Variants in SEC23B observed in about 807,000 individuals in gnomAD.
The protein encoded by SEC23B is protein transport protein Sec23B.
In SEC23B, 77 loss-of-function variants were observed where a neutral mutation model predicts 104.3. That is an observed-to-expected ratio of 0.74 (90% CI 0.61 to 0.89). The LOEUF (loss-of-function observed/expected upper bound fraction) is 0.89. Among genes scored for constraint, SEC23B ranks in the 40% least tolerant of loss-of-function variants. SEC23B has a pLI of 0.00. For missense variants in SEC23B, 885 were observed against 949.4 expected (o/e 0.93, Z 0.89); for synonymous variants, 338 against 332.5 (o/e 1.02, Z -0.18).
At chr20:18,521,905 A>T (rs2060087435) in intron 4 of SEC23B, among the ~76,000 whole-genome samples, 1 of 152,092 alleles carries the variant, frequency 6.6e-6, no homozygotes, top group African/African-American at 2.4e-5. Flanking sequence ...TACGACAAGG[A>T]TTATTTAGAT....
At chr20:18,551,721 A>AAATAAT (rs34825037) in intron 17 of SEC23B, among the ~76,000 whole-genome samples, 10 of 151,170 alleles carry the variant, frequency 6.6e-5, no homozygotes, top group Middle Eastern at 3.4e-3. Context: ...CTCAAAAAAT[A>AAATAAT]AATAATAATA....
intron 19 of SEC23B, among the ~76,000 whole-genome samples, chr20:18,558,115 G>C (rs2060458376): frequency 6.6e-6 from 1 of 152,122 alleles, no homozygotes; most frequent in African/African-American, 2.4e-5. Context: ...TTTTATTTGA[G>C]AATGTCTTGA....
At chr20:18,524,725 G>C (rs2060119228) in intron 5 of SEC23B, 56 bp downstream of exon 5, 1 of 1,421,054 alleles carries the variant, frequency 7.0e-7, no homozygotes, top group African/African-American at 1.4e-5. Flanking sequence ...AAAAGAGACT[G>C]GGGTCTCTTT....
At chr20:18,525,767 G>A (rs111664027) in intron 6 of SEC23B, 21 bp from the exon 7 acceptor site, 17 of 1,613,892 alleles carry the variant, frequency 1.1e-5, no homozygotes, top group Middle Eastern at 1.6e-4. Context: ...CTGGGTTGAT[G>A]TGTCTGTTAA....
intron 17 of SEC23B, among the ~76,000 whole-genome samples, chr20:18,553,851 T>C (rs2060410507): frequency 1.3e-5 from 2 of 152,102 alleles, no homozygotes; most frequent in South Asian, 4.1e-4. Flanking sequence ...GTGGAGTCTG[T>C]GTGGGCAGCC....
At chr20:18,527,417 G>A (rs1322691628) in intron 8 of SEC23B, 79 bp from the exon 9 acceptor site, 3 of 833,378 alleles carry the variant, frequency 3.6e-6, no homozygotes, top group Non-Finnish European at 6.4e-6. Context: ...TTTTATATTT[G>A]ATTACCTCCT....
chr20:18,528,410 C>T (rs913487849), intron 9 of SEC23B, among the ~76,000 whole-genome samples: 1 of 152,234 alleles, frequency 6.6e-6, no homozygotes, highest in African/African-American at 2.4e-5. Flanking sequence ...GTGATTCTAA[C>T]ATAGAGCCGA....
intron 4 of SEC23B, among the ~76,000 whole-genome samples, chr20:18,518,596 T>TTGTTTTG (rs1233168652): frequency 6.3e-5 from 9 of 143,340 alleles, no homozygotes; most frequent in Non-Finnish European, 1.1e-4. Flanking sequence ...TTTTTTTTTT[T>TTGTTTTG]TTTTTTTTTG....
chr20:18,529,460 G>A (rs1227828852), intron 9 of SEC23B, among the ~76,000 whole-genome samples: 1 of 152,218 alleles, frequency 6.6e-6, no homozygotes, highest in East Asian at 1.9e-4. Context: ...TTGTGTGAAT[G>A]TCACAGAAAA....
At chr20:18,551,196 A>T (rs1370586841) in intron 17 of SEC23B, 21 bp downstream of exon 17, 10 of 1,320,280 alleles carry the variant, frequency 7.6e-6, no homozygotes, top group African/African-American at 2.9e-5. Context: ...ATTATTAATT[A>T]ATTAATTTCT....
At chr20:18,544,130 G>A (rs1222336089) in intron 14 of SEC23B, among the ~76,000 whole-genome samples, 1 of 152,334 alleles carries the variant, frequency 6.6e-6, no homozygotes, top group South Asian at 2.1e-4. Context: ...AAGGGGGTGA[G>A]TTTGGAGCCA....
chr20:18,540,632 G>C (rs1434822706), intron 12 of SEC23B, among the ~76,000 whole-genome samples: 1 of 152,202 alleles, frequency 6.6e-6, no homozygotes, highest in Non-Finnish European at 1.5e-5. Flanking sequence ...AAGGTGGGTG[G>C]ATTGCTTGAT....
At chr20:18,527,952 G>A (rs985147139) in intron 9 of SEC23B, among the ~76,000 whole-genome samples, 1 of 152,210 alleles carries the variant, frequency 6.6e-6, no homozygotes, top group Non-Finnish European at 1.5e-5. Context: ...GGAAAACAGG[G>A]TCTGAATGCT....
intron 10 of SEC23B, among the ~76,000 whole-genome samples, chr20:18,532,004 G>A (rs1404469759): frequency 6.6e-6 from 1 of 152,214 alleles, no homozygotes; most frequent in Non-Finnish European, 1.5e-5. Flanking sequence ...GCTGCAGTGA[G>A]CTATGATCAT....
intron 3 of SEC23B, 62 bp from the exon 4 acceptor site, chr20:18,515,588 T>C: frequency 1.0e-6 from 1 of 976,520 alleles, no homozygotes; most frequent in Non-Finnish European, 1.7e-6. Context: ...TTTTTACACA[T>C]GGAAAATAAA....
At position 18,525,801 on chromosome 20, in the gene SEC23B, G is replaced by C; in HGVS notation, c.703G>C (p.Val235Leu). The C allele has an allele frequency of 1.2e-6, 2 of 1,614,160 alleles. No individual in the cohort carries two copies. Among genetic ancestry groups the C allele is most frequent in the Non-Finnish European group, 1.7e-6 (2 of 1,180,022 alleles). The change falls in exon 7 of 20, where the codon GTT becomes CTT. Residue 235 changes from valine to leucine, a missense_variant. Coordinates refer to ENST00000650089, the MANE Select transcript of SEC23B (RefSeq NM_006363.6). ...PFASSRFLQP[V>L]HKIDMNLTDL... ...AAAATCTTGCAGATTTCTGCAGCCT[G>C]TTCACAAGATTGATATGAACCTCAC... is the stretch of plus-strand genomic sequence containing the variant.
intron 14 of SEC23B, 72 bp downstream of exon 14, chr20:18,543,244 A>T (rs569272055): frequency 1.0e-5 from 16 of 1,576,684 alleles, no homozygotes; most frequent in South Asian, 6.7e-5. Flanking sequence ...ATTGTCACTT[A>T]ATTATTATTA....
rs180718297 is a variant in SEC23B at position 18,526,965 on chromosome 20, C to T, written c.993+434C>T. Among the ~76,000 whole-genome samples, 537 of 152,274 alleles carry T rather than the reference C, an allele frequency of 3.5e-3. 2 individuals carry two copies. Among genetic ancestry groups the T allele is most frequent in the African/African-American group, 0.012 (503 of 41,576 alleles). ...GAGTGGTGACTCACGCCTGTAGTCC[C>T]AGCACTTTGGGATGCCAAGGTGGGC... On this transcript the variant is annotated intron_variant, in intron 8 of 19. Transcript: ENST00000650089.
chr20:18,525,145 G>A, intron 6 of SEC23B, 125 bp downstream of exon 6: 1 of 958,730 alleles, frequency 1.0e-6, no homozygotes, highest in Non-Finnish European at 1.6e-6. Flanking sequence ...AAATGATTAA[G>A]CCTAATCAAT....
Sources: allele counts gnomAD v4.1 joint callset (sites outside exome capture counted in the v4.1 genomes callset), GRCh38; gene constraint gnomAD v4.1.1; transcripts MANE v1.5; gene names NCBI Gene and HGNC (gene_info 2026-07-23, HGNC 2026-07-21).